MAP3K5: variants seen among roughly 807,000 people sequenced by gnomAD.
MAP3K5 encodes mitogen-activated protein kinase kinase kinase 5, also known as ASK-1.
In MAP3K5, 56 loss-of-function variants were observed where a neutral mutation model predicts 158.7. The observed-to-expected ratio is 0.35, with a 90% CI of 0.28 to 0.44. MAP3K5 has a LOEUF of 0.44. Ranked by LOEUF, MAP3K5 falls within the 20% of genes least tolerant of loss-of-function variation. MAP3K5 has a pLI of 1.00. For missense variants in MAP3K5, 1,294 were observed against 1,674.8 expected (o/e 0.77, Z 3.97); for synonymous variants, 579 against 601.7 (o/e 0.96, Z 0.55).
In MAP3K5 at chr6:136,603,062, AAT is replaced by A. The variant is rs1258225843; in HGVS notation, c.2680-1085_2680-1084del. On this transcript the variant is annotated intron_variant, in intron 19 of 29. Coordinates refer to ENST00000359015, the MANE Select transcript of MAP3K5 (RefSeq NM_005923.4). ...TATGTAAATTCATTGTAATATAAAC[AAT>A]ATATAATTATTTGTAAGAATTATAT... Among the ~76,000 whole-genome samples the A allele has an allele frequency of 2.6e-4, 39 of 152,168 alleles. 1 individual carries two copies. The highest frequency in any genetic ancestry group is 9.2e-4 in the African/African-American group (38 of 41,434).
At chr6:136,666,068 T>C (rs1779219426) in intron 8 of MAP3K5, among the ~76,000 whole-genome samples, 2 of 152,178 alleles carry the variant, frequency 1.3e-5, no homozygotes, top group Non-Finnish European at 2.9e-5. Context: ...TAGCTAAAGT[T>C]TGAATATTAT....
At chr6:136,596,780 G>A (rs1775651544) in intron 21 of MAP3K5, among the ~76,000 whole-genome samples, 1 of 152,222 alleles carries the variant, frequency 6.6e-6, no homozygotes, top group African/African-American at 2.4e-5. Flanking sequence ...ATCCACGCCT[G>A]AGATTTCTAC....
chr6:136,697,121 C>T (rs897240671), intron 5 of MAP3K5, 98 bp downstream of exon 5: 1 of 1,001,096 alleles, frequency 1.0e-6, no homozygotes, highest in African/African-American at 1.6e-5. Context: ...CGTGTAGTAA[C>T]ATGAACTGCT....
intron 8 of MAP3K5, among the ~76,000 whole-genome samples, chr6:136,660,677 C>T (rs967505497): frequency 1.4e-4 from 21 of 152,148 alleles, no homozygotes; most frequent in Non-Finnish European, 1.3e-4. Context: ...ACATCCATCA[C>T]ATTAAATTGT....
At chr6:136,703,022 C>T (rs1379058323) in intron 3 of MAP3K5, among the ~76,000 whole-genome samples, 2 of 151,928 alleles carry the variant, frequency 1.3e-5, no homozygotes, top group African/African-American at 4.8e-5. Flanking sequence ...ACCGTTTTTT[C>T]TTTCTTTTTT....
At chr6:136,584,818 GTC>G (rs1273446935) in intron 23 of MAP3K5, among the ~76,000 whole-genome samples, 6 of 152,156 alleles carry the variant, frequency 3.9e-5, no homozygotes, top group African/African-American at 1.4e-4. Context: ...TGTTTTCAGT[GTC>G]TGTGAGACTC....
Position 136,592,581 on chromosome 6 carries a change from A to G in MAP3K5, c.2912T>C (p.Val971Ala). 16 of 1,614,058 alleles carry G rather than the reference A, an allele frequency of 9.9e-6. No homozygotes were observed. Among genetic ancestry groups the G allele is most frequent in the Non-Finnish European group, 1.2e-5 (14 of 1,179,986 alleles). The change falls in exon 22 of 30, where the codon GTG (valine) becomes GCG (alanine). Residue 971 changes from valine to alanine, a missense_variant. Physicochemically the swap from Val to Ala is moderately conservative, Grantham distance 64. Transcript: ENST00000359015. ...GCTGCTGCTGGTGTCCTCCACCAGC[A>G]CAGGTACCGGCAAGGATATACTCCT... ...YLRSISLPVP[V>A]LVEDTSSSSE...
At chr6:136,782,249 C>G (rs1784646160) in intron 1 of MAP3K5, among the ~76,000 whole-genome samples, 1 of 148,402 alleles carries the variant, frequency 6.7e-6, no homozygotes, top group Non-Finnish European at 1.5e-5. Flanking sequence ...CACTGCATTC[C>G]AGCCTGGGAG....
intron 1 of MAP3K5, among the ~76,000 whole-genome samples, chr6:136,779,380 C>T (rs77173009): frequency 6.7e-6 from 1 of 148,164 alleles, no homozygotes; most frequent in East Asian, 2.0e-4. Context: ...AAGATCAAGA[C>T]TGCAGTGAGC....
chr6:136,578,754 G>A (rs1419829167), intron 25 of MAP3K5, among the ~76,000 whole-genome samples: 3 of 152,006 alleles, frequency 2.0e-5, no homozygotes, highest in Non-Finnish European at 4.4e-5. Context: ...AGATTGACAC[G>A]GATGCTCTCG....
intron 1 of MAP3K5, among the ~76,000 whole-genome samples, chr6:136,739,469 C>T (rs1007413576): frequency 6.6e-6 from 1 of 152,178 alleles, no homozygotes; most frequent in African/African-American, 2.4e-5. Context: ...CCCCTCACTC[C>T]CACCCCAGGG....
At chr6:136,730,493 G>A (rs11154882) in intron 1 of MAP3K5, among the ~76,000 whole-genome samples, 89 of 152,064 alleles carry the variant, frequency 5.9e-4, no homozygotes, top group Non-Finnish European at 8.4e-4. Flanking sequence ...AGGCAGAGGC[G>A]GGTAGATCAC....
chr6:136,660,684 T>C (rs753560629), intron 8 of MAP3K5, among the ~76,000 whole-genome samples: 6 of 152,210 alleles, frequency 3.9e-5, no homozygotes, highest in Non-Finnish European at 4.4e-5. Flanking sequence ...TCACATTAAA[T>C]TGTTGGGAAA....
At chr6:136,583,774 A>G (rs1268270831) in intron 23 of MAP3K5, 34 bp from the exon 24 acceptor site, 3 of 1,580,026 alleles carry the variant, frequency 1.9e-6, no homozygotes, top group African/African-American at 1.3e-5. Context: ...TTACATCAAC[A>G]TATGCTGGAT....
intron 7 of MAP3K5, among the ~76,000 whole-genome samples, chr6:136,678,735 T>C (rs1051023705): frequency 6.6e-6 from 1 of 152,138 alleles, no homozygotes; most frequent in Admixed American, 6.6e-5. Context: ...TAATTTTTTT[T>C]TTCTTCTTGA....
At chr6:136,707,488 C>T (rs1024249212) in intron 2 of MAP3K5, among the ~76,000 whole-genome samples, 3 of 150,668 alleles carry the variant, frequency 2.0e-5, no homozygotes, top group African/African-American at 4.9e-5. Flanking sequence ...GAACAATAAA[C>T]GTTATCACAG....
chr6:136,598,800 G>A (rs1775744038), intron 21 of MAP3K5, among the ~76,000 whole-genome samples: 1 of 148,366 alleles, frequency 6.7e-6, no homozygotes, highest in Non-Finnish European at 1.5e-5. Context: ...TACTCATCTA[G>A]AAGGAGAGTA....
At chr6:136,656,811 GGA>G (rs899249431) in intron 9 of MAP3K5, among the ~76,000 whole-genome samples, 21 of 152,128 alleles carry the variant, frequency 1.4e-4, no homozygotes, top group African/African-American at 4.8e-4. Context: ...TAGTAGAGAT[GGA>G]GTTTCACCAT....
chr6:136,774,624 G>A (rs1784339161), intron 1 of MAP3K5, among the ~76,000 whole-genome samples: 1 of 152,176 alleles, frequency 6.6e-6, no homozygotes, highest in South Asian at 2.1e-4. Context: ...TGATACAGAA[G>A]ACCTGGGGCA....
Sources: gnomAD v4.1 joint callset for allele counts (sites outside exome capture counted in the v4.1 genomes callset) on GRCh38, gnomAD v4.1.1 for gene constraint, MANE v1.5 for transcripts, NCBI Gene and HGNC (gene_info 2026-07-23, HGNC 2026-07-21) for gene names.